Variants in KIAA1549 observed in about 807,000 individuals in gnomAD.
KIAA1549 encodes KIAA1549, also known as UPF0606 protein KIAA1549.
KIAA1549 carries 70 observed loss-of-function variants against 156.4 expected under a neutral mutation model. That is an observed-to-expected ratio of 0.45 (90% CI 0.37 to 0.55). The LOEUF is 0.55. KIAA1549 is among the 20% of genes least tolerant of loss of function. KIAA1549 has a pLI of 0.00. For missense variants in KIAA1549, 2,428 were observed against 2,540.9 expected, an observed-to-expected ratio of 0.96 and a Z score of 0.96; for synonymous variants, 1,103 against 1,066.4, an observed-to-expected ratio of 1.03 and a Z score of -0.67.
rs780177819 is a variant in KIAA1549, at chr7:138,917,663, A to G, written c.1963T>C (p.Leu655=). ...PASLSLMPSD[L]SPFTSQSFSP... is the part of the protein sequence containing the mutation. ...AAAGACTGAGATGTGAAGGGGGACA[A>G]GTCACTCGGCATCAGAGACAGAGAC... Residue 655 remains leucine, a synonymous_variant, in exon 2 of 20, where the codon TTG becomes CTG. Coordinates refer to ENST00000422774, the MANE Select transcript of KIAA1549 (RefSeq NM_001164665.2). 11 of 1,612,688 alleles carry G rather than the reference A, an allele frequency of 6.8e-6. No individual in the cohort carries two copies. The African/African-American group carries it at 1.5e-4, about 22-fold the overall frequency.
At chr7:138,888,098 G>A (rs1811449916) in intron 10 of KIAA1549, among the ~76,000 whole-genome samples, 1 of 152,200 alleles carries the variant, frequency 6.6e-6, no homozygotes, top group Non-Finnish European at 1.5e-5. Flanking sequence ...TCAGCAGCAT[G>A]TGGGAAACCC....
At chr7:138,911,378 C>T in intron 3 of KIAA1549, 55 bp from the exon 4 acceptor site, 1 of 1,319,494 alleles carries the variant, frequency 7.6e-7, no homozygotes, top group Non-Finnish European at 1.0e-6. Context: ...TTGTGTTACA[C>T]AGAAAAATAA....
intron 12 of KIAA1549, among the ~76,000 whole-genome samples, chr7:138,874,897 A>C (rs1811036685): frequency 6.6e-6 from 1 of 152,158 alleles, no homozygotes. Context: ...CGGGAGGCTG[A>C]GAAGAGATGA....
At chr7:138,892,958 G>C (rs10254901) in intron 10 of KIAA1549, among the ~76,000 whole-genome samples, 2,410 of 152,304 alleles carry the variant, frequency 0.016, 60 homozygotes, top group African/African-American at 0.055. Flanking sequence ...TAATCCAGCA[G>C]ACTGTTAGTA....
intron 1 of KIAA1549, among the ~76,000 whole-genome samples, chr7:138,925,829 C>CAAAAAAAAAAAAAAAAAA: frequency 2.2e-5 from 1 of 44,600 alleles, no homozygotes; most frequent in Non-Finnish European, 4.4e-5. Context: ...GATCCTGTCT[C>CAAAAAAAAAAAAAAAAAA]AAAAAAAAAA....
At chr7:138,966,609 T>C (rs186876762) in intron 1 of KIAA1549, among the ~76,000 whole-genome samples, 14 of 151,844 alleles carry the variant, frequency 9.2e-5, no homozygotes, top group African/African-American at 3.4e-4. Context: ...TTCATGTTCT[T>C]CTGCTTGCTT....
intron 1 of KIAA1549, among the ~76,000 whole-genome samples, chr7:138,979,756 G>A (rs915787129): frequency 3.9e-5 from 6 of 152,212 alleles, no homozygotes; most frequent in African/African-American, 1.4e-4. Context: ...GCTGTATACT[G>A]CCTAAAAGAG....
Position 138,925,660 on chromosome 7 carries a change from G to A in KIAA1549, c.188-6222C>T, listed in dbSNP as rs193264491. On this transcript the variant is annotated intron_variant, in intron 1 of 19. Coordinates refer to ENST00000422774, the MANE Select transcript of KIAA1549 (RefSeq NM_001164665.2). ...AGTCTGGGCAACGTGGCGAAACCCCGTCTCTACAAAATATCAAAAATTAAG... is the reference window on the plus strand; with the variant it reads ...AGTCTGGGCAACGTGGCGAAACCCCATCTCTACAAAATATCAAAAATTAAG... Among the ~76,000 whole-genome samples the A allele has an allele frequency of 6.1e-4, 92 of 151,706 alleles. 1 individual carries two copies. In the Middle Eastern group the frequency reaches 0.01, roughly 17 times the overall value.
chr7:138,921,721 C>T (rs1049957417), intron 1 of KIAA1549, among the ~76,000 whole-genome samples: 3 of 151,970 alleles, frequency 2.0e-5, no homozygotes, highest in South Asian at 2.1e-4. Context: ...AAAAATTAGC[C>T]GGGTATGGTG....
At chr7:138,961,579 C>T (rs1346451722) in intron 1 of KIAA1549, among the ~76,000 whole-genome samples, 2 of 152,212 alleles carry the variant, frequency 1.3e-5, no homozygotes, top group Non-Finnish European at 2.9e-5. Context: ...TGCTCTATTC[C>T]TTCTTCTGTG....
At position 138,903,748 on chromosome 7, in the gene KIAA1549, T is replaced by A; in HGVS notation, c.3521-12A>T. The A allele has an allele frequency of 6.4e-7, 1 of 1,569,094 alleles. No individual in the cohort carries two copies. Among genetic ancestry groups the A allele is most frequent in the East Asian group, 2.4e-5 (1 of 42,322 alleles). ...GACGCCCAGGAGAACTACATTTAAA[T>A]GAAAACATACGTGGCACCCAAAACA... On this transcript the variant is annotated splice_polypyrimidine_tract_variant and intron_variant, in intron 7 of 19. Coordinates refer to ENST00000422774, the MANE Select transcript of KIAA1549 (RefSeq NM_001164665.2).
chr7:138,969,589 T>TTTTG (rs578127719), intron 1 of KIAA1549, among the ~76,000 whole-genome samples: 3,705 of 152,196 alleles, frequency 0.024, 161 homozygotes, highest in African/African-American at 0.085. Flanking sequence ...GAGTTTTGTT[T>TTTTG]TTTGTTTGTT....
At chr7:138,855,456 A>G (rs1028627226) in intron 16 of KIAA1549, among the ~76,000 whole-genome samples, 15 of 152,316 alleles carry the variant, frequency 9.8e-5, no homozygotes, top group African/African-American at 3.4e-4. Context: ...TTGGTGAGAG[A>G]TGACGGTGGC....
At position 138,868,112 on chromosome 7, in the gene KIAA1549, A is replaced by G; in HGVS notation, c.4792T>C (p.Ser1598Pro). Residue 1598 changes from serine (S) to proline (P), a missense_variant, in exon 15 of 20, where the codon TCT (serine) becomes CCT (proline). Ser to Pro is a moderately conservative substitution (Grantham distance 74). Coordinates refer to ENST00000422774, the MANE Select transcript of KIAA1549 (RefSeq NM_001164665.2). ...TGGTGTTTCCGGCGAGGCTTGGGAG[A>G]ACGTTTTATCCGTGAGCTGCCAGGA... ...EPRKSSRIKR[S>P]PKPRRKHQVN... 1 of 1,613,420 alleles carries G rather than the reference A, an allele frequency of 6.2e-7. No homozygotes were observed.
chr7:138,879,585 G>T lies in KIAA1549; in HGVS notation c.4298C>A (p.Thr1433Lys). The change falls in exon 12 of 20, where the codon ACG becomes AAG. Residue 1433 changes from threonine (T) to lysine (K), a missense_variant. Transcript: ENST00000422774. ...CCTGCCATCGTTGACGGCTCCCGGC[G>T]TCTTATCTCCTGCGTCCCTCTCGCT... ...ESSERDAGDK[T>K]PGAVNDGRSH... The T allele has an allele frequency of 1.3e-6, 2 of 1,569,754 alleles. No homozygotes were observed. Among genetic ancestry groups the T allele is most frequent in the Non-Finnish European group, 1.7e-6 (2 of 1,157,206 alleles).
At chr7:138,890,605 G>T (rs536116742) in intron 10 of KIAA1549, among the ~76,000 whole-genome samples, 1 of 152,206 alleles carries the variant, frequency 6.6e-6, no homozygotes, top group Admixed American at 6.5e-5. Context: ...CACCCGGCAC[G>T]GTCAGCCAGC....
intron 5 of KIAA1549, 82 bp downstream of exon 5, chr7:138,908,909 G>GTTAA: frequency 1.9e-6 from 3 of 1,540,328 alleles, no homozygotes; most frequent in Non-Finnish European, 1.8e-6. Context: ...GGGAATAAGA[G>GTTAA]TTAAGCACAT....
chr7:138,958,613 A>G (rs1426482991), intron 1 of KIAA1549, among the ~76,000 whole-genome samples: 3 of 152,062 alleles, frequency 2.0e-5, no homozygotes, highest in Non-Finnish European at 4.4e-5. Context: ...CTTGCCTGGG[A>G]CTGTCATTTA....
intron 17 of KIAA1549, among the ~76,000 whole-genome samples, chr7:138,847,343 G>A (rs1418890986): frequency 4.6e-5 from 7 of 152,118 alleles, no homozygotes. Context: ...AGCTCACCTC[G>A]CCAGTTTTAC....
Sources: gnomAD v4.1 joint callset for allele counts (sites outside exome capture counted in the v4.1 genomes callset) on GRCh38, gnomAD v4.1.1 for gene constraint, MANE v1.5 for transcripts, NCBI Gene and HGNC (gene_info 2026-07-23, HGNC 2026-07-21) for gene names.